The following LHFPL6 variants were observed in gnomAD, a reference collection of about 807,000 sequenced individuals.
LHFPL6 encodes the protein LHFPL tetraspan subfamily member 6.
LHFPL6 carries 9 observed loss-of-function variants against 20.6 expected under a neutral mutation model. The ratio of observed to expected loss-of-function variants is 0.44; its 90% CI spans 0.26 to 0.76. LHFPL6 has a LOEUF of 0.76. Ranked by LOEUF, LHFPL6 falls within the 30% of genes least tolerant of loss-of-function variation. LHFPL6 has a pLI of 0.20. For synonymous variants in LHFPL6, 105 were observed against 98.7 expected (o/e 1.06, Z -0.38); for missense variants, 218 against 253.5 (o/e 0.86, Z 0.95).
chr13:39,492,247 A>C (rs1232904854), intron 2 of LHFPL6, among the ~76,000 whole-genome samples: 2 of 152,230 alleles, frequency 1.3e-5, no homozygotes, highest in Admixed American at 1.3e-4. Flanking sequence ...TGTCTCCATA[A>C]TGTCATTCCC....
intron 2 of LHFPL6, among the ~76,000 whole-genome samples, chr13:39,430,793 AAAAATGGACCAATCAGCACTCTGT>A (rs1871773323): frequency 1.3e-5 from 2 of 152,170 alleles, no homozygotes; most frequent in Admixed American, 6.5e-5. Flanking sequence ...AGCACTCTGT[AAAAATGGACCAATCAGCACTCTGT>A]AAAATGGACC....
chr13:39,501,081 T>C (rs1869278623), intron 2 of LHFPL6, among the ~76,000 whole-genome samples: 1 of 152,154 alleles, frequency 6.6e-6, no homozygotes, highest in African/African-American at 2.4e-5. Context: ...TCTATCTTAG[T>C]TGTTGAGAAA....
chr13:39,541,810 C>T (rs1870808334), intron 2 of LHFPL6, among the ~76,000 whole-genome samples: 2 of 152,134 alleles, frequency 1.3e-5, no homozygotes. Flanking sequence ...GACAGGTTGG[C>T]TGGGTGCAGT....
At chr13:39,531,786 T>C (rs548192738) in intron 2 of LHFPL6, among the ~76,000 whole-genome samples, 1 of 152,246 alleles carries the variant, frequency 6.6e-6, no homozygotes, top group Admixed American at 6.5e-5. Context: ...ATAAATATCA[T>C]ATTACAGAAC....
chr13:39,459,197 T>G (rs1454506717), intron 2 of LHFPL6, among the ~76,000 whole-genome samples: 1 of 26,820 alleles, frequency 3.7e-5, no homozygotes, highest in Non-Finnish European at 6.2e-5. Context: ...TTCCTTAATG[T>G]GTGTGTGTGT....
intron 2 of LHFPL6, among the ~76,000 whole-genome samples, chr13:39,404,060 T>C (rs1409377798): frequency 6.6e-6 from 1 of 152,186 alleles, no homozygotes; most frequent in African/African-American, 2.4e-5. Context: ...GAGCTGAGAC[T>C]TTGTGGAGCT....
chr13:39,582,058 C>T (rs1437879491), intron 2 of LHFPL6, among the ~76,000 whole-genome samples: 9 of 152,162 alleles, frequency 5.9e-5, no homozygotes, highest in Non-Finnish European at 1.2e-4. Context: ...GGCCTTCCAC[C>T]TTAAAGTCCC....
chr13:39,435,564 A>G (rs1196841560), intron 2 of LHFPL6, among the ~76,000 whole-genome samples: 1 of 152,196 alleles, frequency 6.6e-6, no homozygotes, highest in East Asian at 1.9e-4. Context: ...CTAATGTACA[A>G]TGTTACAGAA....
At chr13:39,594,654 A>G (rs1206433944) in intron 2 of LHFPL6, among the ~76,000 whole-genome samples, 1 of 152,248 alleles carries the variant, frequency 6.6e-6, no homozygotes, top group Non-Finnish European at 1.5e-5. Context: ...GCTGCTATAA[A>G]GACACATGCA....
At chr13:39,378,200 C>T (rs893558610) in intron 3 of LHFPL6, among the ~76,000 whole-genome samples, 2 of 152,074 alleles carry the variant, frequency 1.3e-5, no homozygotes, top group African/African-American at 2.4e-5. Flanking sequence ...GGGGCAGGGG[C>T]CATTTCTTAT....
At chr13:39,408,521 C>T (rs910925652) in intron 2 of LHFPL6, among the ~76,000 whole-genome samples, 2 of 152,224 alleles carry the variant, frequency 1.3e-5, no homozygotes, top group African/African-American at 2.4e-5. Context: ...GTTCTTATTA[C>T]AGGAAACTAA....
intron 3 of LHFPL6, among the ~76,000 whole-genome samples, chr13:39,350,215 T>C (rs965799648): frequency 6.6e-6 from 1 of 152,230 alleles, no homozygotes; most frequent in African/African-American, 2.4e-5. Context: ...TTGTAGAAAT[T>C]CAGTTCAATG....
At chr13:39,565,835 C>T (rs930770132) in intron 2 of LHFPL6, among the ~76,000 whole-genome samples, 1 of 152,216 alleles carries the variant, frequency 6.6e-6, no homozygotes, top group African/African-American at 2.4e-5. Context: ...GGCTCCCAGG[C>T]AGAATGGGTT....
At position 39,570,800 on chromosome 13, in the gene LHFPL6, G is replaced by T. The variant is rs554404740; in HGVS notation, c.385+30032C>A. Among the ~76,000 whole-genome samples, 4 of 152,064 alleles carry T rather than the reference G, an allele frequency of 2.6e-5. No individual in the cohort carries two copies. The South Asian group carries it at 8.3e-4, about 32-fold the overall frequency. On this transcript the variant is annotated intron_variant, in intron 2 of 3. Transcript: ENST00000379589. The stretch of plus-strand genomic sequence containing the variant: ...GTGAGTGAATGTGTGTGTGTGCATG[G>T]GCATGCCACGTGTGTGTTTTTCTCC...
At chr13:39,452,839 C>A (rs1450919362) in intron 2 of LHFPL6, among the ~76,000 whole-genome samples, 1 of 152,214 alleles carries the variant, frequency 6.6e-6, no homozygotes, top group African/African-American at 2.4e-5. Context: ...GCATCCTAGT[C>A]TTTTTCCCTT....
intron 2 of LHFPL6, among the ~76,000 whole-genome samples, chr13:39,533,468 C>G (rs1870526671): frequency 6.6e-6 from 1 of 152,108 alleles, no homozygotes. Context: ...AAGGTATGGC[C>G]GGGAAGTGCC....
intron 2 of LHFPL6, among the ~76,000 whole-genome samples, chr13:39,538,229 A>G (rs1048855857): frequency 2.7e-4 from 41 of 151,658 alleles, no homozygotes; most frequent in African/African-American, 9.9e-4. Flanking sequence ...ACCTCAGGTG[A>G]TCTACCCACC....
At chr13:39,441,137 A>ATTTTTTT (rs57695621) in intron 2 of LHFPL6, among the ~76,000 whole-genome samples, 8 of 91,462 alleles carry the variant, frequency 8.7e-5, no homozygotes, top group African/African-American at 2.1e-4. Flanking sequence ...ATGCCAACTA[A>ATTTTTTT]TTTTTTTTTT....
At chr13:39,512,340 C>T (rs1869738948) in intron 2 of LHFPL6, among the ~76,000 whole-genome samples, 1 of 152,180 alleles carries the variant, frequency 6.6e-6, no homozygotes, top group South Asian at 2.1e-4. Flanking sequence ...CGGTGGCTCA[C>T]GCCTGTAATC....
Sources: gnomAD v4.1 joint callset for allele counts (sites outside exome capture counted in the v4.1 genomes callset) on GRCh38, gnomAD v4.1.1 for gene constraint, MANE v1.5 for transcripts, NCBI Gene and HGNC (gene_info 2026-07-23, HGNC 2026-07-21) for gene names.